The following DAAM2 variants were observed in gnomAD, a reference collection of about 807,000 sequenced individuals.
The protein encoded by DAAM2 is disheveled-associated activator of morphogenesis 2.
In DAAM2, 39 loss-of-function variants were observed where a neutral mutation model predicts 120.7. The ratio of observed to expected loss-of-function variants is 0.32; its 90% CI spans 0.25 to 0.42. The LOEUF (loss-of-function observed/expected upper bound fraction) is 0.42, where lower values mean the gene tolerates loss of function less well. Among genes scored for constraint, DAAM2 ranks in the 10% least tolerant of loss-of-function variants. The pLI is 1.00. For missense variants in DAAM2, 1,283 were observed against 1,401.7 expected (o/e 0.92, Z 1.35); for synonymous variants, 488 against 524.9 (o/e 0.93, Z 0.96).
intron 1 of DAAM2, among the ~76,000 whole-genome samples, chr6:39,808,248 C>T (rs1011578291): frequency 6.6e-6 from 1 of 152,140 alleles, no homozygotes; most frequent in African/African-American, 2.4e-5. Flanking sequence ...TGGCTCATTC[C>T]CACACAGCAA....
At position 39,879,282 on chromosome 6, in the gene DAAM2, C is replaced by A; in HGVS notation, c.1650C>A (p.Ala550=). The change falls in exon 14 of 25, where the codon GCC becomes GCA. Residue 550 remains alanine (A), a synonymous_variant. Coordinates refer to ENST00000274867, the MANE Select transcript of DAAM2 (RefSeq NM_001201427.2). ...CACCCCCTCCTCCTCTGCCCTTTGC[C>A]TGTTGTCCCCCTCCCCCACCACCAC... ...LPPPPPPLPF[A]CCPPPPPPPL... is the part of the protein sequence containing the mutation. 6.7e-7 allele frequency: 1 copy of A among 1,493,206 alleles called. No individual in the cohort carries two copies. Among genetic ancestry groups the A allele is most frequent in the Non-Finnish European group, 9.1e-7 (1 of 1,093,724 alleles). 92.5% of individuals were successfully genotyped at this position (1,493,206 alleles called of 1,614,324 possible).
chr6:39,899,059 A>G (rs1766309264), intron 22 of DAAM2, 122 bp downstream of exon 22: 2 of 733,280 alleles, frequency 2.7e-6, no homozygotes, highest in Admixed American at 5.3e-5. Flanking sequence ...GCACAGGGTC[A>G]GCCCTCCCAA....
chr6:39,900,020 T>G, intron 22 of DAAM2, 57 bp from the exon 23 acceptor site: 1 of 1,557,102 alleles, frequency 6.4e-7, no homozygotes, highest in Non-Finnish European at 8.7e-7. Flanking sequence ...TGGTGACCCC[T>G]GCACCCGACT....
At chr6:39,867,450 T>G (rs1327100710) in intron 5 of DAAM2, 60 bp from the exon 6 acceptor site, 1 of 1,546,810 alleles carries the variant, frequency 6.5e-7, no homozygotes, top group Non-Finnish European at 8.9e-7. Context: ...GGGTAACTAT[T>G]TGCAAAGTGT....
Position 39,860,263 on chromosome 6 carries a change from T to C in DAAM2, c.169-665T>C, listed in dbSNP as rs114590223. Among the ~76,000 whole-genome samples the C allele has an allele frequency of 9.6e-3, 1,468 of 152,348 alleles. 12 individuals are homozygous for C. The highest frequency in any genetic ancestry group is 0.018 in the South Asian group (87 of 4,828). ...GATGGAGCCCCGTGCCTTCTCTTGC[T>C]GGTCCTGCAGTGGGAGGGGCTGCCT... is the stretch of plus-strand genomic sequence containing the variant. On this transcript the variant is annotated intron_variant, in intron 2 of 24. Coordinates refer to ENST00000274867, the MANE Select transcript of DAAM2 (RefSeq NM_001201427.2).
In DAAM2 at chr6:39,879,439, C is replaced by T. The variant is rs1342364191; in HGVS notation, c.1807C>T (p.His603Tyr). The T allele has an allele frequency of 6.2e-7, 1 of 1,614,026 alleles. No individual in the cohort carries two copies. The highest frequency in any genetic ancestry group is 1.1e-5 in the South Asian group (1 of 91,086). ...GAAAAAGCGTGTCCCCCAGCCTTCT[C>T]ACCCACTGAAGTCCTTCAACTGGGT... ...LRKKRVPQPS[H>Y]PLKSFNWVKL... The change falls in exon 14 of 25, where the codon CAC becomes TAC. Residue 603 changes from histidine (H) to tyrosine (Y), a missense_variant. By Grantham distance (83) the His-to-Tyr change is moderately conservative. Transcript: ENST00000274867.
At chr6:39,797,041 G>A (rs1761722823) in intron 1 of DAAM2, among the ~76,000 whole-genome samples, 1 of 152,176 alleles carries the variant, frequency 6.6e-6, no homozygotes, top group Non-Finnish European at 1.5e-5. Context: ...GTGCTTGGAG[G>A]TCAGATATCT....
intron 1 of DAAM2, among the ~76,000 whole-genome samples, chr6:39,827,399 G>A (rs968911566): frequency 1.3e-5 from 2 of 152,196 alleles, no homozygotes; most frequent in African/African-American, 4.8e-5. Flanking sequence ...CACACAGGTG[G>A]GGAGTGTGAC....
Position 39,856,419 on chromosome 6 carries a change from C to T in DAAM2, c.117C>T (p.Ser39=). 6.5e-7 allele frequency: 1 copy of T among 1,530,666 alleles called. No individual in the cohort carries two copies. Among genetic ancestry groups the T allele is most frequent in the Non-Finnish European group, 8.8e-7 (1 of 1,139,336 alleles). The allele number at this position is 1,530,666 out of a possible 1,614,324, so 94.8% of individuals were successfully genotyped here. ...ACCCTCTGCAGTTCATGGAGTTCTC[C>T]AGCCCCATCCCGAACGCAGAGGAGC... ...DNHPLQFMEF[S]SPIPNAEELN... is the part of the protein sequence containing the mutation. Residue 39 remains serine (S), a synonymous_variant, in exon 2 of 25, where the codon TCC becomes TCT. Coordinates refer to ENST00000274867, the MANE Select transcript of DAAM2 (RefSeq NM_001201427.2).
chr6:39,879,546 C>T (rs762793126), intron 14 of DAAM2, 69 bp downstream of exon 14: 32 of 1,596,966 alleles, frequency 2.0e-5, no homozygotes, highest in South Asian at 1.3e-4. Context: ...AGGGACCACC[C>T]GCCCCTTGTT....
In DAAM2 at chr6:39,898,802, C is replaced by A. The variant is rs1766287171; in HGVS notation, c.2619-75C>A. ...AGGCCACTGTGCTTGGCTCTGCCCT[C>A]TCCCTGAACCAGCCTTAGCACCTCA... On this transcript the variant is annotated intron_variant, in intron 21 of 24. Coordinates refer to ENST00000274867, the MANE Select transcript of DAAM2 (RefSeq NM_001201427.2). 17 of 1,314,968 alleles carry A rather than the reference C, an allele frequency of 1.3e-5. No homozygotes were observed. The East Asian group carries it at 3.9e-4, about 30-fold the overall frequency. 81.5% of individuals were successfully genotyped at this position (1,314,968 alleles called of 1,614,324 possible). A position where few individuals can be genotyped will look rare whatever the true frequency, so the allele number is the denominator to read the frequency against.
intron 1 of DAAM2, among the ~76,000 whole-genome samples, chr6:39,838,408 A>G (rs1267283562): frequency 6.6e-6 from 1 of 152,204 alleles, no homozygotes; most frequent in Non-Finnish European, 1.5e-5. Flanking sequence ...TGGCCCAGTG[A>G]CAAATTTTAA....
In DAAM2 at chr6:39,867,898, A is replaced by G. The variant is rs540407424; in HGVS notation, c.762+55A>G. On this transcript the variant is annotated intron_variant, in intron 6 of 24. Coordinates refer to ENST00000274867, the MANE Select transcript of DAAM2 (RefSeq NM_001201427.2). Reference sequence around the variant, plus strand: ...AGCTGGGTGGGGCAGAGGATGTCACATGTGAGTGAGAGCCTGAAGATTCTT... The same window carrying G: ...AGCTGGGTGGGGCAGAGGATGTCACGTGTGAGTGAGAGCCTGAAGATTCTT... 1.1e-4 allele frequency: 162 copies of G among 1,425,698 alleles called. No homozygotes were observed. In the African/African-American group the frequency reaches 2.0e-3, roughly 18 times the overall value. The allele number at this position is 1,425,698 out of a possible 1,614,324, so 88.3% of individuals were successfully genotyped here.
Position 39,900,598 on chromosome 6 carries a change from A to T in DAAM2, c.2811+390A>T, listed in dbSNP as rs145839844. The stretch of plus-strand genomic sequence containing the variant: ...CAGCTCAGCAGTGGACATGATTACC[A>T]TGCCTCTATCTGCTTCTCACACTAA... On this transcript the variant is annotated intron_variant, in intron 23 of 24. Coordinates refer to ENST00000274867, the MANE Select transcript of DAAM2 (RefSeq NM_001201427.2). Among the ~76,000 whole-genome samples the T allele has an allele frequency of 3.4e-3, 513 of 152,312 alleles. 2 individuals are homozygous for T. The highest frequency in any genetic ancestry group is 0.012 in the African/African-American group (492 of 41,564).
chr6:39,897,397 T>G (rs1766172746), intron 21 of DAAM2, 115 bp downstream of exon 21: 1 of 670,990 alleles, frequency 1.5e-6, no homozygotes, highest in African/African-American at 1.8e-5. Flanking sequence ...ACCTCGGTTC[T>G]TGTCTTCTGA....
intron 9 of DAAM2, 124 bp downstream of exon 9, chr6:39,871,696 C>T (rs1055259595): frequency 1.3e-6 from 1 of 751,436 alleles, no homozygotes; most frequent in Admixed American, 2.5e-5. Context: ...GGTGGGCACC[C>T]CCATGGCCAG....
chr6:39,822,459 G>A (rs1762522173), intron 1 of DAAM2: 1 of 152,148 alleles, frequency 6.6e-6, no homozygotes, highest in African/African-American at 2.4e-5. Flanking sequence ...AATATGGCAT[G>A]GTGGAATTGG....
chr6:39,803,763 G>T (rs1761934050), intron 1 of DAAM2, among the ~76,000 whole-genome samples: 1 of 152,190 alleles, frequency 6.6e-6, no homozygotes, highest in East Asian at 1.9e-4. Flanking sequence ...GCAGGCTGTG[G>T]GGTGGGGGCT....
intron 1 of DAAM2, among the ~76,000 whole-genome samples, chr6:39,853,318 G>A (rs1180101001): frequency 6.6e-6 from 1 of 152,206 alleles, no homozygotes; most frequent in African/African-American, 2.4e-5. Flanking sequence ...GGTTGGGAGG[G>A]CATTGTCCTC....
Sources: allele counts gnomAD v4.1 joint callset (sites outside exome capture counted in the v4.1 genomes callset), GRCh38; gene constraint gnomAD v4.1.1; transcripts MANE v1.5; gene names NCBI Gene and HGNC (gene_info 2026-07-23, HGNC 2026-07-21).